The following PLAGL1 variants were observed in gnomAD, a reference collection of about 807,000 sequenced individuals.
PLAGL1 encodes the protein PLAG1 like zinc finger 1.
Under a neutral mutation model 4.6 loss-of-function variants are expected in PLAGL1, and 1 was observed. The observed-to-expected ratio is 0.22, with a 90% CI of 0.08 to 1.03. The LOEUF (loss-of-function observed/expected upper bound fraction) is 1.03, where lower values mean the gene tolerates loss of function less well. PLAGL1 is among the 50% of genes least tolerant of loss of function. The probability of loss-of-function intolerance (pLI) is 0.58; values close to 1 mark genes in which losing one functional copy is unlikely to be tolerated. For missense variants in PLAGL1, 464 were observed against 570.4 expected, an observed-to-expected ratio of 0.81 and a Z score of 1.90; for synonymous variants, 240 against 237.8, an observed-to-expected ratio of 1.01 and a Z score of -0.08.
intron 2 of PLAGL1, among the ~76,000 whole-genome samples, chr6:143,976,189 G>A (rs1167241448): frequency 1.3e-5 from 2 of 151,474 alleles, no homozygotes; most frequent in Non-Finnish European, 2.9e-5. Context: ...AACCAGAAAA[G>A]GCTTTGCAGA....
rs9321952 is a variant in PLAGL1, at chr6:143,958,503, C to A, written c.-325+1966G>T. On this transcript the variant is annotated intron_variant, in intron 6 of 7. Transcript: ENST00000674357. The surrounding 1 kb of genome is among the most constrained non-coding windows in gnomAD (Gnocchi z 5.1). ...TGCACCTGTTCCCAAGCTCACTCCA[C>A]TTCCTCCAGAAGCATGCCTGTCTGC... Among the ~76,000 whole-genome samples, 88,216 of 151,994 alleles carry A rather than the reference C, an allele frequency of 0.58. 26,896 individuals carry two copies. The highest frequency in any genetic ancestry group is 0.69 in the Non-Finnish European group (46,564 of 67,952).
chr6:144,048,306 T>C lies in PLAGL1; in HGVS notation c.-151+16162A>G, dbSNP rs1022020296. 2.0e-5 allele frequency among the ~76,000 whole-genome samples: 3 copies of C among 152,154 alleles called. No homozygotes were observed. The highest frequency in any genetic ancestry group is 4.4e-5 in the Non-Finnish European group (3 of 68,014). On this transcript the variant is annotated intron_variant, in intron 1 of 3. Transcript: ENST00000437412. The surrounding 1 kb of genome is among the most constrained non-coding windows in gnomAD (Gnocchi z 4.8). ...TAGCATTCTGGGATCTGGAGGACAG[T>C]GGCCCTCTTCTCACAGCTCCATTAG...
In PLAGL1 at chr6:143,973,618, A is replaced by T. The variant is rs1342659066; in HGVS notation, c.-543-4640T>A. 6.6e-6 allele frequency among the ~76,000 whole-genome samples: 1 copy of T among 152,216 alleles called. No individual in the cohort carries two copies. The highest frequency in any genetic ancestry group is 1.5e-5 in the Non-Finnish European group (1 of 68,034). On this transcript the variant is annotated intron_variant, in intron 2 of 7. Coordinates refer to ENST00000674357, the MANE Select transcript of PLAGL1 (RefSeq NM_001317162.2). The surrounding 1 kb of genome is among the most constrained non-coding windows in gnomAD (Gnocchi z 6.2). ...GCGATAGTCTCACTGAACAATCTGC[A>T]ACTTCTTTCATGTCACCGTACCCAA...
At chr6:144,019,185 G>T (rs1389077554) in intron 1 of PLAGL1, among the ~76,000 whole-genome samples, 3 of 151,844 alleles carry the variant, frequency 2.0e-5, no homozygotes, top group Admixed American at 2.0e-4. Flanking sequence ...TTTAAAAAAT[G>T]CTATAAAGGC....
At position 143,948,428 on chromosome 6, in the gene PLAGL1, T is replaced by C. The variant is rs1780279154; in HGVS notation, c.-292A>G. 3.1e-6 allele frequency: 1 copy of C among 321,190 alleles called. No homozygotes were observed. The highest frequency in any genetic ancestry group is 4.3e-5 in the Admixed American group (1 of 23,378). The allele number at this position is 321,190 out of a possible 1,614,324, so 19.9% of individuals were successfully genotyped here. ...AGCAGAAAGGTAATCTGCATCACTATAGCTGGGGCATGTCCTGGGTCCCCC... is the reference window on the plus strand; with the variant it reads ...AGCAGAAAGGTAATCTGCATCACTACAGCTGGGGCATGTCCTGGGTCCCCC... On this transcript the variant is annotated 5_prime_UTR_variant, in exon 7 of 8. Transcript: ENST00000674357. The surrounding 1 kb of genome is among the most constrained non-coding windows in gnomAD (Gnocchi z 6.0).
intron 1 of PLAGL1, among the ~76,000 whole-genome samples, chr6:144,052,056 T>C (rs1798620177): frequency 6.6e-6 from 1 of 152,254 alleles, no homozygotes; most frequent in South Asian, 2.1e-4. Context: ...TTTTACCAAA[T>C]TAAAACTTAA....
Position 144,064,048 on chromosome 6 carries a change from C to T in PLAGL1, c.-151+420G>A, listed in dbSNP as rs1799638492. Among the ~76,000 whole-genome samples the T allele has an allele frequency of 6.6e-6, 1 of 152,190 alleles. No individual in the cohort carries two copies. The highest frequency in any genetic ancestry group is 6.5e-5 in the Admixed American group (1 of 15,286). On this transcript the variant is annotated intron_variant, in intron 1 of 3. Transcript: ENST00000437412. The surrounding 1 kb of genome is among the most constrained non-coding windows in gnomAD (Gnocchi z 6.8). ...CCCGCCGTCTGCGCAGACAGCCCCG[C>T]CCCCAGCCTCGGAGAGCACAGGACC...
At chr6:143,996,969 T>C (rs973974067) in intron 1 of PLAGL1, among the ~76,000 whole-genome samples, 1 of 152,126 alleles carries the variant, frequency 6.6e-6, no homozygotes, top group Non-Finnish European at 1.5e-5. Context: ...CAAAGATTTC[T>C]TAAACAGGAC....
Position 144,063,374 on chromosome 6 carries a change from C to T in PLAGL1, c.-151+1094G>A, listed in dbSNP as rs1401053680. On this transcript the variant is annotated intron_variant, in intron 1 of 3. Coordinates refer to the PLAGL1 transcript ENST00000437412. This position sits in a 1 kb window ranked among gnomAD's most constrained non-coding sequence, Gnocchi z 5.7. ...CTGATGCCTAACTAGGCGTCCCCAGCCATATCCCCGGGGCAGCTTTTACAA... is the reference window on the plus strand; with the variant it reads ...CTGATGCCTAACTAGGCGTCCCCAGTCATATCCCCGGGGCAGCTTTTACAA... Among the ~76,000 whole-genome samples the T allele has an allele frequency of 6.6e-6, 1 of 152,156 alleles. No homozygotes were observed. The highest frequency in any genetic ancestry group is 2.4e-5 in the African/African-American group (1 of 41,418).
intron 1 of PLAGL1, among the ~76,000 whole-genome samples, chr6:144,002,391 T>G (rs1047843885): frequency 6.6e-6 from 1 of 152,134 alleles, no homozygotes; most frequent in Non-Finnish European, 1.5e-5. Context: ...TTGTTAATAC[T>G]TCTGTTAAAT....
chr6:144,019,379 G>C (rs890329181), intron 1 of PLAGL1, among the ~76,000 whole-genome samples: 6 of 152,080 alleles, frequency 3.9e-5, no homozygotes, highest in Non-Finnish European at 8.8e-5. Flanking sequence ...GGCTGAGGCA[G>C]GATAGTTGCT....
At chr6:144,030,547 C>T (rs1227347473) in intron 1 of PLAGL1, among the ~76,000 whole-genome samples, 1 of 152,182 alleles carries the variant, frequency 6.6e-6, no homozygotes, top group African/African-American at 2.4e-5. Flanking sequence ...ATTCTTAAGC[C>T]TTTCTGTCCT....
chr6:144,023,885 T>C (rs1318004690), intron 1 of PLAGL1, among the ~76,000 whole-genome samples: 1 of 151,256 alleles, frequency 6.6e-6, no homozygotes, highest in Non-Finnish European at 1.5e-5. Flanking sequence ...CAAGTGATTG[T>C]TGTGCCTCAG....
intron 1 of PLAGL1, among the ~76,000 whole-genome samples, chr6:144,020,075 C>G (rs182922645): frequency 1.9e-3 from 284 of 152,084 alleles, no homozygotes; most frequent in South Asian, 4.8e-3. Context: ...GGATTAGTAC[C>G]CTTACACCAG....
At chr6:144,031,917 T>C (rs1384733859) in intron 1 of PLAGL1, among the ~76,000 whole-genome samples, 1 of 152,208 alleles carries the variant, frequency 6.6e-6, no homozygotes, top group Non-Finnish European at 1.5e-5. Context: ...AGGAATTATA[T>C]TGAATTTGTA....
At chr6:144,010,715 C>G (rs138549916), upstream of PLAGL1, among the ~76,000 whole-genome samples, 3,460 of 152,270 alleles carry the variant, frequency 0.023, 137 homozygotes, top group African/African-American at 0.077. This position sits in a 1 kb window ranked among gnomAD's most constrained non-coding sequence, Gnocchi z 4.1. Flanking sequence ...CACTACAAGG[C>G]TACAGTAACC....
chr6:144,003,846 G>A (rs966821836), intron 1 of PLAGL1, among the ~76,000 whole-genome samples: 1 of 152,276 alleles, frequency 6.6e-6, no homozygotes, highest in Admixed American at 6.5e-5. Context: ...AACATTATTA[G>A]TGTTTATGGA....
chr6:143,943,311 A>G (rs553175057), intron 7 of PLAGL1, among the ~76,000 whole-genome samples: 86 of 152,240 alleles, frequency 5.6e-4, no homozygotes, highest in Non-Finnish European at 9.9e-4. Flanking sequence ...AAGTGACTCA[A>G]TTTGTCTGCT....
Position 143,968,086 on chromosome 6 carries a change from G to A in PLAGL1, c.-472+821C>T, listed in dbSNP as rs1371176718. The A allele has an allele frequency of 6.6e-6, 1 of 151,352 alleles. No individual in the cohort carries two copies. Among genetic ancestry groups the A allele is most frequent in the Non-Finnish European group, 1.5e-5 (1 of 67,980 alleles). 9.4% of individuals were successfully genotyped at this position (151,352 alleles called of 1,614,324 possible). On this transcript the variant is annotated intron_variant, in intron 3 of 7. Coordinates refer to ENST00000674357, the MANE Select transcript of PLAGL1 (RefSeq NM_001317162.2). This position sits in a 1 kb window ranked among gnomAD's most constrained non-coding sequence, Gnocchi z 6.3. ...TGCAGCTGCAAAAGAAGTGAGGGCT[G>A]CTTTAGGGTGACATGGCCTTGAACC...
Sources: gnomAD v4.1 joint callset for allele counts (sites outside exome capture counted in the v4.1 genomes callset) on GRCh38, gnomAD v4.1.1 for gene constraint, Gnocchi (gnomAD v3.1) non-coding constraint, MANE v1.5 for transcripts, NCBI Gene and HGNC (gene_info 2026-07-23, HGNC 2026-07-21) for gene names.